COL5A3: variants seen among roughly 807,000 people sequenced by gnomAD.
COL5A3 encodes collagen type V alpha 3 chain.
In COL5A3, 172 loss-of-function variants were observed where a neutral mutation model predicts 250.0. That is an observed-to-expected ratio of 0.69 (90% CI 0.61 to 0.78). COL5A3 has a LOEUF of 0.78. Among genes scored for constraint, COL5A3 ranks in the 30% least tolerant of loss-of-function variants. COL5A3 has a pLI of 0.00. For missense variants in COL5A3, 2,340 were observed against 2,334.4 expected (o/e 1.00, Z -0.05); for synonymous variants, 937 against 900.4 (o/e 1.04, Z -0.73).
Position 9,968,612 on chromosome 19 carries a change from A to G in COL5A3, c.4206+63T>C. On this transcript the variant is annotated intron_variant, in intron 58 of 66. Transcript: ENST00000264828. The surrounding 1 kb of genome is among the most constrained non-coding windows in gnomAD (Gnocchi z 4.1). The stretch of plus-strand genomic sequence containing the variant: ...GGATGCACCAATCTCCCAGCCCCCC[A>G]GCCAGGGAGGGAGGGAAAGAGGGGA... The G allele has an allele frequency of 6.3e-7, 1 of 1,582,476 alleles. No individual in the cohort carries two copies. Among genetic ancestry groups the G allele is most frequent in the Admixed American group, 1.7e-5 (1 of 58,454 alleles).
intron 26 of COL5A3, 30 bp downstream of exon 26, chr19:9,989,292 C>T: frequency 6.2e-7 from 1 of 1,614,106 alleles, no homozygotes; most frequent in Non-Finnish European, 8.5e-7. Context: ...ACCCTCGTCC[C>T]CAACCCAGCC....
chr19:9,982,188 A>G, intron 31 of COL5A3, 70 bp from the exon 32 acceptor site: 2 of 1,072,458 alleles, frequency 1.9e-6, no homozygotes. Flanking sequence ...GGCCCCTCAT[A>G]CCATCCTTTG....
intron 44 of COL5A3, 74 bp downstream of exon 44, chr19:9,977,155 T>C (rs2086933235): frequency 2.8e-6 from 4 of 1,428,928 alleles, no homozygotes; most frequent in South Asian, 1.2e-5. Context: ...CCATGGAGAA[T>C]GATCTCTACA....
At position 9,977,596 on chromosome 19, in the gene COL5A3, G is replaced by C; in HGVS notation, c.3124C>G (p.Arg1042Gly). The change falls in exon 42 of 67, where the codon CGG becomes GGG. Residue 1042 changes from arginine to glycine, a missense_variant and splice_region_variant. This residue lies in a region of COL5A3 where 1,179 missense variants were observed against 1,162.6 expected (regional missense o/e 1.01). Transcript: ENST00000264828. ...AATGGGATGGGCAAGTCACTTACCC[G>C]GGACCCCTTCTTGCCTGCAGGGCCA... ...PVGPAGKKGS[R>G]GERGPPGPTG... The C allele has an allele frequency of 6.3e-7, 1 of 1,584,454 alleles. No homozygotes were observed. Among genetic ancestry groups the C allele is most frequent in the East Asian group, 2.2e-5 (1 of 44,582 alleles).
intron 44 of COL5A3, 100 bp from the exon 45 acceptor site, chr19:9,976,711 A>C: frequency 1.2e-6 from 1 of 861,614 alleles, no homozygotes; most frequent in Non-Finnish European, 1.8e-6. Flanking sequence ...CTTTATGAGA[A>C]CAACTTCCCC....
At chr19:9,965,212 T>C (rs2086725260) in intron 64 of COL5A3, among the ~76,000 whole-genome samples, 1 of 147,824 alleles carries the variant, frequency 6.8e-6, no homozygotes. Flanking sequence ...TGAAGTTCAG[T>C]GACACGATCT....
At chr19:9,985,768 C>T (rs1167877251) in intron 31 of COL5A3, 74 bp downstream of exon 31, 1 of 1,408,486 alleles carries the variant, frequency 7.1e-7, no homozygotes, top group Non-Finnish European at 1.0e-6. Context: ...CCCAAGACCA[C>T]AGCCTGGACC....
In COL5A3 at chr19:9,971,251, G is replaced by A. The variant is rs772890229; in HGVS notation, c.3782C>T (p.Thr1261Met). 6 of 1,564,360 alleles carry A rather than the reference G, an allele frequency of 3.8e-6. No homozygotes were observed. In the East Asian group the frequency reaches 9.5e-5, roughly 25 times the overall value. The change falls in exon 52 of 67, where the codon ACG becomes ATG. Residue 1261 changes from threonine (T) to methionine (M), a missense_variant. Transcript: ENST00000264828. Reference sequence around the variant, plus strand: ...GGGCCCTAGATCTCCGGGCAGCCCCGTGGGGCCCTGGAACACAGAATGATT... The same window carrying A: ...GGGCCCTAGATCTCCGGGCAGCCCCATGGGGCCCTGGAACACAGAATGATT... The part of the protein sequence containing the change: ...EDGAKGSVGP[T>M]GLPGDLGPPG...
chr19:9,998,032 G>A lies in COL5A3; in HGVS notation c.1159-7C>T. 1 of 1,614,066 alleles carries A rather than the reference G, an allele frequency of 6.2e-7. No individual in the cohort carries two copies. Among genetic ancestry groups the A allele is most frequent in the Non-Finnish European group, 8.5e-7 (1 of 1,180,020 alleles). On this transcript the variant is annotated splice_polypyrimidine_tract_variant and splice_region_variant and intron_variant, in intron 9 of 66. Coordinates refer to ENST00000264828, the MANE Select transcript of COL5A3 (RefSeq NM_015719.4). ...GTCCCTCAAACTGCTGCCCCTGAAG[G>A]GAGAAGTGAGTGTCGGTGACCGCTG...
In COL5A3 at chr19:10,005,321, G is replaced by A. The variant is rs35143140; in HGVS notation, c.594+237C>T. 0.27 allele frequency among the ~76,000 whole-genome samples: 40,261 copies of A among 150,444 alleles called. 5,989 individuals are homozygous for A. The highest frequency in any genetic ancestry group is 0.35 in the South Asian group (1,650 of 4,740). ...GCTGAGATCAAGCCACTGCACTCCA[G>A]CCTGGGTGACAGAGCAAGGCTCCAT... is the stretch of plus-strand genomic sequence containing the variant. On this transcript the variant is annotated intron_variant, in intron 4 of 66. Coordinates refer to ENST00000264828, the MANE Select transcript of COL5A3 (RefSeq NM_015719.4).
intron 64 of COL5A3, among the ~76,000 whole-genome samples, chr19:9,964,333 T>C (rs1409582583): frequency 2.0e-5 from 3 of 151,216 alleles, no homozygotes; most frequent in Non-Finnish European, 4.4e-5. Flanking sequence ...GGTGTGGTGG[T>C]TTATGCCTAT....
intron 65 of COL5A3, 44 bp from the exon 66 acceptor site, chr19:9,960,934 C>A (rs1171820191): frequency 1.2e-5 from 19 of 1,591,796 alleles, no homozygotes; most frequent in Non-Finnish European, 1.5e-5. Flanking sequence ...GCTCCATGAG[C>A]CTCTTTCTGC....
Position 9,960,959 on chromosome 19 carries a change from G to A in COL5A3, c.4852-69C>T, listed in dbSNP as rs551335317. On this transcript the variant is annotated intron_variant, in intron 65 of 66. Transcript: ENST00000264828. Reference sequence around the variant, plus strand: ...CCTCTTTCTGCAGAAGCCACCCCCTGGAATCTCCATCCACTGGCAGACAAG... The same window carrying A: ...CCTCTTTCTGCAGAAGCCACCCCCTAGAATCTCCATCCACTGGCAGACAAG... 71 of 1,564,112 alleles carry A rather than the reference G, an allele frequency of 4.5e-5. No individual in the cohort carries two copies. In the African/African-American group the frequency reaches 6.6e-4, roughly 15 times the overall value.
At chr19:9,979,607 T>A (rs2086975852) in intron 37 of COL5A3, among the ~76,000 whole-genome samples, 190 bp from the exon 38 acceptor site, 1 of 151,786 alleles carries the variant, frequency 6.6e-6, no homozygotes, top group African/African-American at 2.4e-5. Flanking sequence ...CTGGTCAACA[T>A]GATGAAGCCC....
Position 9,982,057 on chromosome 19 carries a change from T to C in COL5A3, c.2460+8A>G, listed in dbSNP as rs1009160421. The C allele has an allele frequency of 1.9e-6, 3 of 1,608,216 alleles. No individual in the cohort carries two copies. Among genetic ancestry groups the C allele is most frequent in the Admixed American group, 1.7e-5 (1 of 59,826 alleles). ...CTCCCCTCTCCCTTACCCCCGGTCA[T>C]GACTCACCGACTTCCCTTTCTCTCC... is the stretch of plus-strand genomic sequence containing the variant. On this transcript the variant is annotated splice_region_variant and intron_variant, in intron 32 of 66. Transcript: ENST00000264828.
chr19:9,986,608 T>A lies in COL5A3; in HGVS notation c.2191-2A>T. On this transcript the variant is annotated splice_acceptor_variant, in intron 28 of 66. Coordinates refer to ENST00000264828, the MANE Select transcript of COL5A3 (RefSeq NM_015719.4). LOFTEE classifies it high-confidence loss of function. ...GAAGCCTGGGAAGCCGTCCTCTCCC[T>A]GGGTGGGAGAGACAGAGGCCAGAAG... 6.2e-7 allele frequency: 1 copy of A among 1,613,748 alleles called. No homozygotes were observed. The highest frequency in any genetic ancestry group is 8.5e-7 in the Non-Finnish European group (1 of 1,179,888).
At chr19:9,970,179 G>A (rs1405911908) in intron 54 of COL5A3, among the ~76,000 whole-genome samples, 2 of 65,396 alleles carry the variant, frequency 3.1e-5, no homozygotes, top group Admixed American at 1.4e-4. Context: ...TGGGGTCTGT[G>A]GGTGAGTGGG....
chr19:10,008,072 C>G (rs917270927), intron 1 of COL5A3, among the ~76,000 whole-genome samples: 1 of 152,072 alleles, frequency 6.6e-6, no homozygotes, highest in Non-Finnish European at 1.5e-5. Context: ...GTTGCAGTCC[C>G]CTGGGGCTGA....
rs1394528824 is a variant in COL5A3 at position 9,976,118 on chromosome 19, C to A, written c.3342+440G>T. Among the ~76,000 whole-genome samples the A allele has an allele frequency of 5.2e-5, 7 of 134,568 alleles. No individual in the cohort carries two copies. In the East Asian group the frequency reaches 7.1e-4, roughly 14 times the overall value. The allele number at this position is 134,568 out of a possible 152,430, so 88.3% of individuals were successfully genotyped here. On this transcript the variant is annotated intron_variant, in intron 45 of 66. Transcript: ENST00000264828. ...AAGACATGGTTCGACTGGGATTGAG[C>A]CAAATTCTGGGGTTGAGTTCACATT...
Sources: allele counts gnomAD v4.1 joint callset (sites outside exome capture counted in the v4.1 genomes callset), GRCh38; gene constraint gnomAD v4.1.1; regional missense constraint gnomAD v4.1.1; non-coding constraint Gnocchi (gnomAD v3.1); transcripts MANE v1.5; gene names NCBI Gene and HGNC (gene_info 2026-07-23, HGNC 2026-07-21).